Variants in FMN2 observed in about 807,000 individuals in gnomAD.
FMN2 encodes formin 2.
Under a neutral mutation model 142.3 loss-of-function variants are expected in FMN2, and 51 were observed. The observed-to-expected ratio is 0.36, with a 90% confidence interval of 0.29 to 0.45. The LOEUF is 0.45. Ranked by LOEUF, FMN2 falls within the 20% of genes least tolerant of loss-of-function variation. The probability of loss-of-function intolerance (pLI) is 1.00; values close to 1 mark genes in which losing one functional copy is unlikely to be tolerated. For synonymous variants in FMN2, 882 were observed against 869.8 expected (o/e 1.01, Z -0.25); for missense variants, 1,936 against 2,122.8 (o/e 0.91, Z 1.73).
rs750607015 is a variant in FMN2 at position 240,334,193 on chromosome 1, C to G, written c.4729C>G (p.Gln1577Glu). The G allele has an allele frequency of 6.2e-7, 1 of 1,604,730 alleles. No homozygotes were observed. Among genetic ancestry groups the G allele is most frequent in the African/African-American group, 1.3e-5 (1 of 74,350 alleles). ...QASQMKFEDF[Q>E]KDLRKLKKDL... is the part of the protein sequence containing the mutation. ...CTCACAGATGAAGTTTGAAGATTTT[C>G]AAAAAGATCTCAGAAAACTGAAGAA... Residue 1577 changes from glutamine to glutamate, a missense_variant, in exon 13 of 18, where the codon CAA (glutamine) becomes GAA (glutamate). Around this residue, in one of 8 missense-constraint regions of FMN2, gnomAD observed 322 missense variants for 401.6 expected, o/e 0.80. Transcript: ENST00000319653.
chr1:240,470,846 A>T, intron 16 of FMN2, among the ~76,000 whole-genome samples: 1 of 152,280 alleles, frequency 6.6e-6, no homozygotes, highest in South Asian at 2.1e-4. Context: ...ATTAAAAAAA[A>T]AAAATCCAAT....
chr1:240,289,295 A>C (rs1174651779), intron 7 of FMN2, among the ~76,000 whole-genome samples: 1 of 152,158 alleles, frequency 6.6e-6, no homozygotes, highest in Non-Finnish European at 1.5e-5. Context: ...ATTTTAAAAA[A>C]TATCAATGTA....
intron 1 of FMN2, among the ~76,000 whole-genome samples, chr1:240,112,263 C>T (rs1661841201): frequency 6.6e-6 from 1 of 151,936 alleles, no homozygotes; most frequent in South Asian, 2.1e-4. Context: ...TCCCGAGTAG[C>T]TGGGACTACA....
intron 6 of FMN2, among the ~76,000 whole-genome samples, chr1:240,234,224 A>T (rs1558384045): frequency 6.6e-6 from 1 of 151,960 alleles, no homozygotes; most frequent in African/African-American, 2.4e-5. Flanking sequence ...AAATTATTGA[A>T]TTTTTTTGCA....
chr1:240,180,276 G>C, intron 3 of FMN2: 4 of 773,890 alleles, frequency 5.2e-6, no homozygotes, highest in Non-Finnish European at 7.4e-6. Context: ...GATCTAATGG[G>C]TCTTTCTAAA....
At chr1:240,168,296 T>C (rs567527367) in intron 2 of FMN2, among the ~76,000 whole-genome samples, 1 of 152,190 alleles carries the variant, frequency 6.6e-6, no homozygotes, top group Admixed American at 6.5e-5. Context: ...TTAAAATAAA[T>C]GGACATCTCA....
At chr1:240,431,399 G>GTT (rs1218376145) in intron 15 of FMN2, among the ~76,000 whole-genome samples, 8 of 61,356 alleles carry the variant, frequency 1.3e-4, no homozygotes, top group African/African-American at 4.9e-4. Context: ...ATACAACCAT[G>GTT]TTTTATATAT....
At chr1:240,281,684 A>G (rs906953529) in intron 7 of FMN2, among the ~76,000 whole-genome samples, 1 of 152,188 alleles carries the variant, frequency 6.6e-6, no homozygotes, top group Non-Finnish European at 1.5e-5. Context: ...TCTCCTTTCA[A>G]TGTCGTACCA....
chr1:240,422,683 C>T (rs1373402930), intron 15 of FMN2, among the ~76,000 whole-genome samples: 1 of 152,146 alleles, frequency 6.6e-6, no homozygotes, highest in Non-Finnish European at 1.5e-5. Flanking sequence ...TATTAGTCTT[C>T]AAATAGGGAC....
chr1:240,447,203 G>A (rs564050800), intron 16 of FMN2, among the ~76,000 whole-genome samples: 2 of 152,136 alleles, frequency 1.3e-5, no homozygotes, highest in Non-Finnish European at 1.5e-5. Context: ...GTAATGAGAC[G>A]TTAAGCTCAG....
intron 16 of FMN2, among the ~76,000 whole-genome samples, chr1:240,461,382 T>C (rs10926272): frequency 0.81 from 123,020 of 152,088 alleles, 49,985 homozygotes; most frequent in African/African-American, 0.89. Flanking sequence ...CTCCTAGCTC[T>C]GCATTTGGCA....
chr1:240,415,294 C>T (rs1327610039), intron 15 of FMN2, among the ~76,000 whole-genome samples: 3 of 152,026 alleles, frequency 2.0e-5, no homozygotes, highest in Non-Finnish European at 4.4e-5. Flanking sequence ...AACAGAAAAC[C>T]AAACACCACA....
chr1:240,343,768 G>T (rs1671815626), intron 13 of FMN2, among the ~76,000 whole-genome samples: 1 of 152,180 alleles, frequency 6.6e-6, no homozygotes, highest in Non-Finnish European at 1.5e-5. Flanking sequence ...TCAAATACTG[G>T]CTGAGTACAG....
chr1:240,201,210 CCT>C (rs1334936901), intron 4 of FMN2, among the ~76,000 whole-genome samples: 5 of 152,122 alleles, frequency 3.3e-5, no homozygotes, highest in African/African-American at 1.2e-4. Context: ...ACCCCAAATC[CCT>C]CTCCTTTTAA....
chr1:240,305,102 T>C lies in FMN2; in HGVS notation c.4215+10219T>C, dbSNP rs186571581. ...TTGTTCATATCATGGAGCATAGTTA[T>C]AATAGCTGCTTTTCTAAAGACGTTG... On this transcript the variant is annotated intron_variant, in intron 8 of 17. Transcript: ENST00000319653. Among the ~76,000 whole-genome samples the C allele has an allele frequency of 2.8e-3, 425 of 152,316 alleles. 2 individuals are homozygous for C. Among genetic ancestry groups the C allele is most frequent in the South Asian group, 0.017 (82 of 4,826 alleles).
chr1:240,281,972 G>A (rs913413946), intron 7 of FMN2, among the ~76,000 whole-genome samples: 5 of 152,070 alleles, frequency 3.3e-5, no homozygotes, highest in Admixed American at 2.6e-4. Context: ...ACAATAATAC[G>A]AAACTTATAG....
intron 1 of FMN2, among the ~76,000 whole-genome samples, chr1:240,101,882 T>C (rs1661429224): frequency 6.6e-6 from 1 of 152,120 alleles, no homozygotes; most frequent in East Asian, 1.9e-4. Context: ...CTCGAAGATT[T>C]AGAATATATG....
At chr1:240,439,205 G>A (rs1408009944) in intron 16 of FMN2, among the ~76,000 whole-genome samples, 12 of 149,310 alleles carry the variant, frequency 8.0e-5, no homozygotes, top group Admixed American at 3.4e-4. Context: ...CCTGGGAGGC[G>A]GAGGTTGCAG....
intron 6 of FMN2, among the ~76,000 whole-genome samples, chr1:240,238,129 T>C (rs561517359): frequency 4.3e-4 from 66 of 152,330 alleles, no homozygotes; most frequent in Middle Eastern, 3.4e-3. Context: ...TGTATACTTA[T>C]CGAAAATTCA....
Sources: gnomAD v4.1 joint callset for allele counts (sites outside exome capture counted in the v4.1 genomes callset) on GRCh38, gnomAD v4.1.1 for gene constraint, gnomAD v4.1.1 regional missense constraint, MANE v1.5 for transcripts, NCBI Gene and HGNC (gene_info 2026-07-23, HGNC 2026-07-21) for gene names.